The following ZMIZ2 variants were observed in gnomAD, a reference collection of about 807,000 sequenced individuals.
ZMIZ2 encodes zinc finger MIZ domain-containing protein 2.
A neutral mutation model predicts 93.9 loss-of-function variants in ZMIZ2; 26 were observed. The ratio of observed to expected loss-of-function variants is 0.28; its 90% CI spans 0.20 to 0.38. The LOEUF is 0.38. Among genes scored for constraint, ZMIZ2 ranks in the 10% least tolerant of loss-of-function variants. The pLI is 1.00. For synonymous variants in ZMIZ2, 485 were observed against 516.4 expected, an observed-to-expected ratio of 0.94 and a Z score of 0.82; for missense variants, 1,023 against 1,235.0, an observed-to-expected ratio of 0.83 and a Z score of 2.57.
chr7:44,765,271 G>C lies in ZMIZ2; in HGVS notation c.1998-64G>C. 6.3e-7 allele frequency: 1 copy of C among 1,595,130 alleles called. No homozygotes were observed. Among genetic ancestry groups the C allele is most frequent in the South Asian group, 1.1e-5 (1 of 89,352 alleles). On this transcript the variant is annotated intron_variant, in intron 15 of 18. Transcript: ENST00000309315. The surrounding 1 kb of genome is among the most constrained non-coding windows in gnomAD (Gnocchi z 4.1). ...CCTGGAAACAGCCCAGGGCTGGGAG[G>C]GGCAGTGGGTGCCGGGCCAGCAGCA... is the stretch of plus-strand genomic sequence containing the variant.
chr7:44,754,967 G>A (rs1232792071), intron 1 of ZMIZ2, among the ~76,000 whole-genome samples: 1 of 152,186 alleles, frequency 6.6e-6, no homozygotes, highest in Non-Finnish European at 1.5e-5. Flanking sequence ...GCCCTTCAGG[G>A]ACACTCAGGG....
chr7:44,756,087 T>G, intron 1 of ZMIZ2, 101 bp from the exon 2 acceptor site: 146 of 894,842 alleles, frequency 1.6e-4, no homozygotes, highest in Middle Eastern at 3.4e-4. Flanking sequence ...GGTCCCTTAT[T>G]GAGAAAGAGG....
In ZMIZ2 at chr7:44,763,180, G is replaced by GCC; in HGVS notation, c.1703-75_1703-74dup. The stretch of plus-strand genomic sequence containing the variant: ...TCAGTGGGTCAGTGACTGGGTCCCT[G>GCC]CCTCGTTGGCATCCCCATTCACACC... On this transcript the variant is annotated intron_variant, in intron 12 of 18. Coordinates refer to ENST00000309315, the MANE Select transcript of ZMIZ2 (RefSeq NM_031449.4). This position sits in a 1 kb window ranked among gnomAD's most constrained non-coding sequence, Gnocchi z 5.6. 3 of 1,570,966 alleles carry GCC rather than the reference G, an allele frequency of 1.9e-6. No homozygotes were observed. Among genetic ancestry groups the GCC allele is most frequent in the Non-Finnish European group, 2.6e-6 (3 of 1,153,768 alleles).
rs71563954 is a variant in ZMIZ2, at chr7:44,759,084, T to TAAAAAAAAA, written c.814-182_814-174dup. The stretch of plus-strand genomic sequence containing the variant: ...GCAACAGAGTGAGACTGTCTCAAAT[T>TAAAAAAAAA]AAAAAAAAAAAAAAAAAAAAAAACA... On this transcript the variant is annotated intron_variant, in intron 6 of 18. Coordinates refer to ENST00000309315, the MANE Select transcript of ZMIZ2 (RefSeq NM_031449.4). Among the ~76,000 whole-genome samples, 100 of 97,492 alleles carry TAAAAAAAAA rather than the reference T, an allele frequency of 1.0e-3. 1 individual carries two copies. Among genetic ancestry groups the TAAAAAAAAA allele is most frequent in the African/African-American group, 3.9e-3 (93 of 23,920 alleles). 64.0% of individuals were successfully genotyped at this position (97,492 alleles called of 152,430 possible).
intron 1 of ZMIZ2, among the ~76,000 whole-genome samples, chr7:44,755,267 T>G (rs1790494377): frequency 6.6e-6 from 1 of 152,150 alleles, no homozygotes; most frequent in Admixed American, 6.5e-5. Context: ...CCCCAGCCCC[T>G]TTCTTAGAAA....
chr7:44,761,958 G>C lies in ZMIZ2; in HGVS notation c.1596+53G>C. 6.5e-7 allele frequency: 1 copy of C among 1,541,560 alleles called. No individual in the cohort carries two copies. Among genetic ancestry groups the C allele is most frequent in the Non-Finnish European group, 8.7e-7 (1 of 1,148,138 alleles). The stretch of plus-strand genomic sequence containing the variant: ...GCTGTGGCGTGGGGCGGGGTGTGGT[G>C]GGGCCTGGCCCAGCGGTGCCGTGGG... On this transcript the variant is annotated intron_variant, in intron 11 of 18. Transcript: ENST00000309315. This position sits in a 1 kb window ranked among gnomAD's most constrained non-coding sequence, Gnocchi z 5.8.
At chr7:44,762,055 C>T (rs1237907904) in intron 11 of ZMIZ2, 150 bp downstream of exon 11, 7 of 1,041,028 alleles carry the variant, frequency 6.7e-6, no homozygotes, top group Admixed American at 3.8e-5. Context: ...GGCGGGCCGG[C>T]CTGCAGCACC....
intron 5 of ZMIZ2, 37 bp from the exon 6 acceptor site, chr7:44,757,811 G>A (rs758597675): frequency 6.6e-7 from 1 of 1,517,030 alleles, no homozygotes; most frequent in Non-Finnish European, 8.8e-7. Context: ...CCCTTTGTGG[G>A]TGGGACCTGG....
Position 44,767,710 on chromosome 7 carries a change from G to A in ZMIZ2, c.*87G>A, listed in dbSNP as rs1296770144. On this transcript the variant is annotated 3_prime_UTR_variant, in exon 19 of 19. Transcript: ENST00000309315. ...TCATGCCCAGCCCCATGGGACACCC[G>A]GTGGTCTTTCCCAAACCTCCCCCAA... The A allele has an allele frequency of 1.6e-5, 20 of 1,257,928 alleles. No homozygotes were observed. The highest frequency in any genetic ancestry group is 7.5e-5 in the South Asian group (6 of 80,400). 77.9% of individuals were successfully genotyped at this position (1,257,928 alleles called of 1,614,324 possible).
rs184985418 is a variant in ZMIZ2 at position 44,765,754 on chromosome 7, G to A, written c.2242+175G>A. Reference sequence around the variant, plus strand: ...CTCCAGCCCCTCCCATCTCAGGGACGTGGCGGTGAAGGCACAGTCTCAGCT... The same window carrying A: ...CTCCAGCCCCTCCCATCTCAGGGACATGGCGGTGAAGGCACAGTCTCAGCT... On this transcript the variant is annotated intron_variant, in intron 16 of 18. Coordinates refer to ENST00000309315, the MANE Select transcript of ZMIZ2 (RefSeq NM_031449.4). The surrounding 1 kb of genome is among the most constrained non-coding windows in gnomAD (Gnocchi z 4.1). 2.4e-4 allele frequency: 266 copies of A among 1,105,086 alleles called. 1 individual carries two copies. In the East Asian group the frequency reaches 6.6e-3, roughly 27 times the overall value. 68.5% of individuals were successfully genotyped at this position (1,105,086 alleles called of 1,614,324 possible).
At position 44,757,562 on chromosome 7, in the gene ZMIZ2, G is replaced by A. The variant is rs1203872540; in HGVS notation, c.552+1G>A. 1.3e-6 allele frequency: 2 copies of A among 1,589,660 alleles called. No homozygotes were observed. The highest frequency in any genetic ancestry group is 1.7e-6 in the Non-Finnish European group (2 of 1,165,398). ...CCAGGAGCTGAGCCAGTATGGAGCG[G>A]TGAGCCCCCTCAGCAGCTCCTCCCA... On this transcript the variant is annotated splice_donor_variant, in intron 5 of 18. Coordinates refer to ENST00000309315, the MANE Select transcript of ZMIZ2 (RefSeq NM_031449.4). LOFTEE classifies it high-confidence loss of function.
rs1442768934 is a variant in ZMIZ2 at position 44,765,129 on chromosome 7, C to G, written c.1997+120C>G. 1 of 1,474,160 alleles carries G rather than the reference C, an allele frequency of 6.8e-7. No homozygotes were observed. The highest frequency in any genetic ancestry group is 1.4e-5 in the African/African-American group (1 of 72,334). 91.3% of individuals were successfully genotyped at this position (1,474,160 alleles called of 1,614,324 possible). The stretch of plus-strand genomic sequence containing the variant: ...CAGCCTTTTTCCGGCATGGAGCAGG[C>G]TGGATTCCAGGCCAGAGACAGCGTG... On this transcript the variant is annotated intron_variant, in intron 15 of 18. Transcript: ENST00000309315. This position sits in a 1 kb window ranked among gnomAD's most constrained non-coding sequence, Gnocchi z 4.1.
Position 44,765,706 on chromosome 7 carries a change from A to T in ZMIZ2, c.2242+127A>T. 2 of 1,388,542 alleles carry T rather than the reference A, an allele frequency of 1.4e-6. No homozygotes were observed. Among genetic ancestry groups the T allele is most frequent in the Non-Finnish European group, 1.9e-6 (2 of 1,033,254 alleles). The allele number at this position is 1,388,542 out of a possible 1,614,324, so 86.0% of individuals were successfully genotyped here. A position where few individuals can be genotyped will look rare whatever the true frequency, so the allele number is the denominator to read the frequency against. The stretch of plus-strand genomic sequence containing the variant: ...ACACACCTAGGTTATCAGTGTTGCC[A>T]CACAAAACATGCCGCGGGGCACCTC... On this transcript the variant is annotated intron_variant, in intron 16 of 18. Transcript: ENST00000309315. The surrounding 1 kb of genome is among the most constrained non-coding windows in gnomAD (Gnocchi z 4.1).
In ZMIZ2 at chr7:44,760,609, C is replaced by A. The variant is rs753169993; in HGVS notation, c.1240+16C>A. ...TCGCCCTCTGGTAAGTCTGTCCACT[C>A]TTGGGACAGCGGGGTGACAAGGCCA... is the stretch of plus-strand genomic sequence containing the variant. On this transcript the variant is annotated intron_variant, in intron 9 of 18. Coordinates refer to ENST00000309315, the MANE Select transcript of ZMIZ2 (RefSeq NM_031449.4). 6.2e-6 allele frequency: 10 copies of A among 1,613,380 alleles called. No homozygotes were observed. The highest frequency in any genetic ancestry group is 8.5e-6 in the Non-Finnish European group (10 of 1,179,648).
chr7:44,767,788 G>A lies in ZMIZ2; in HGVS notation c.*165G>A, dbSNP rs1166296415. 6.2e-6 allele frequency: 4 copies of A among 648,370 alleles called. No homozygotes were observed. The Admixed American group carries it at 7.7e-5, about 12-fold the overall frequency. 40.2% of individuals were successfully genotyped at this position (648,370 alleles called of 1,614,324 possible). A position where few individuals can be genotyped will look rare whatever the true frequency, so the allele number is the denominator to read the frequency against. ...CGCCAGCCCTGCCCCTGAATTGGAA[G>A]CAGCCCTGTGCTCGATGGGAGGGGC... On this transcript the variant is annotated 3_prime_UTR_variant, in exon 19 of 19. Transcript: ENST00000309315.
intron 9 of ZMIZ2, 44 bp downstream of exon 9, chr7:44,760,637 G>A: frequency 6.2e-7 from 1 of 1,608,740 alleles, no homozygotes; most frequent in Non-Finnish European, 8.5e-7. Context: ...CAAGGCCAGG[G>A]TGGGCATGGG....
rs775705219 is a variant in ZMIZ2 at position 44,756,494 on chromosome 7, T to C, written c.120T>C (p.Ser40=). The C allele has an allele frequency of 1.9e-6, 3 of 1,614,078 alleles. No homozygotes were observed. The highest frequency in any genetic ancestry group is 2.5e-6 in the Non-Finnish European group (3 of 1,180,028). ...QSATQPAGSL[S]VVTTVWGVGN... ...CCACTCAGCCGGCTGGATCGCTGTC[T>C]GTGGTCACTACTGTGTGGGGAGTTG... The change falls in exon 3 of 19, where the codon TCT becomes TCC. Residue 40 remains serine, a synonymous_variant. Transcript: ENST00000309315.
rs923445263 is a variant in ZMIZ2 at position 44,765,564 on chromosome 7, G to T, written c.2227G>T (p.Asp743Tyr). 1 of 1,559,598 alleles carries T rather than the reference G, an allele frequency of 6.4e-7. No individual in the cohort carries two copies. The highest frequency in any genetic ancestry group is 2.3e-5 in the East Asian group (1 of 43,774). Reference sequence around the variant, plus strand: ...GCCCCCCTCAGTCCCTGCCCCCAGCGACTACCCTGGCCAGGGTAAGTACAG... The same window carrying T: ...GCCCCCCTCAGTCCCTGCCCCCAGCTACTACCCTGGCCAGGGTAAGTACAG... ...LQPPSVPAPS[D>Y]YPGQGSSFLG... Residue 743 changes from aspartate to tyrosine, a missense_variant, in exon 16 of 19, where the codon GAC becomes TAC. Asp to Tyr is a radical substitution (Grantham distance 160). Transcript: ENST00000309315. The surrounding 1 kb of genome is among the most constrained non-coding windows in gnomAD (Gnocchi z 4.1).
At chr7:44,749,192 C>T (rs1397294060) in intron 1 of ZMIZ2, among the ~76,000 whole-genome samples, 1 of 152,124 alleles carries the variant, frequency 6.6e-6, no homozygotes, top group Non-Finnish European at 1.5e-5. Context: ...CTCTGCCGCC[C>T]ACCTGCCGGC....
Sources: gnomAD v4.1 joint callset for allele counts (sites outside exome capture counted in the v4.1 genomes callset) on GRCh38, gnomAD v4.1.1 for gene constraint, Gnocchi (gnomAD v3.1) non-coding constraint, MANE v1.5 for transcripts, NCBI Gene and HGNC (gene_info 2026-07-23, HGNC 2026-07-21) for gene names.